The following TBC1D22A variants were observed in gnomAD, a reference collection of about 807,000 sequenced individuals.
TBC1D22A encodes the protein TBC1 domain family member 22A, also known as putative GTPase activator.
In TBC1D22A, 38 loss-of-function variants were observed where a neutral mutation model predicts 60.2. That is an observed-to-expected ratio of 0.63 (90% confidence interval 0.49 to 0.83). The LOEUF is 0.83. Among genes scored for constraint, TBC1D22A ranks in the 40% least tolerant of loss-of-function variants. TBC1D22A has a pLI of 0.00. For synonymous variants in TBC1D22A, 302 were observed against 281.7 expected (o/e 1.07, Z -0.72); for missense variants, 628 against 701.0 (o/e 0.90, Z 1.18).
At chr22:47,032,619 G>T (rs962588052) in intron 10 of TBC1D22A, among the ~76,000 whole-genome samples, 4 of 152,254 alleles carry the variant, frequency 2.6e-5, no homozygotes, top group Admixed American at 6.5e-5. Flanking sequence ...TGATTAGCCT[G>T]TGACTGTCCC....
At chr22:46,968,443 C>T (rs973183742) in intron 8 of TBC1D22A, among the ~76,000 whole-genome samples, 3 of 152,246 alleles carry the variant, frequency 2.0e-5, no homozygotes, top group African/African-American at 7.2e-5. Context: ...GCAGAAAGTC[C>T]TGCTGTGGAA....
chr22:47,028,423 AGCG>A lies in TBC1D22A; in HGVS notation c.1202-8647_1202-8645del, dbSNP rs1181510960. On this transcript the variant is annotated intron_variant, in intron 10 of 12. Coordinates refer to ENST00000337137, the MANE Select transcript of TBC1D22A (RefSeq NM_014346.5). The surrounding 1 kb of genome is among the most constrained non-coding windows in gnomAD (Gnocchi z 4.4). ...TGTCCCCCACGGCCCAGGTTCTGAG[AGCG>A]AGTGGTCGCATTCCTGTCCCTCGGT... is the stretch of plus-strand genomic sequence containing the variant. 6.4e-3 allele frequency among the ~76,000 whole-genome samples: 734 copies of A among 114,350 alleles called. 38 individuals are homozygous for A. The highest frequency in any genetic ancestry group is 0.025 in the African/African-American group (593 of 23,522). The allele number at this position is 114,350 out of a possible 152,430, so 75.0% of individuals were successfully genotyped here. A position where few individuals can be genotyped will look rare whatever the true frequency, so the allele number is the denominator to read the frequency against.
intron 8 of TBC1D22A, among the ~76,000 whole-genome samples, chr22:46,928,978 T>C (rs754655926): frequency 3.9e-4 from 60 of 152,122 alleles, no homozygotes; most frequent in Non-Finnish European, 2.8e-4. Context: ...TGACTGTTAA[T>C]GGGTACAGAG....
intron 8 of TBC1D22A, chr22:46,913,398 C>G: frequency 2.2e-6 from 3 of 1,366,470 alleles, no homozygotes; most frequent in Non-Finnish European, 2.9e-6. Context: ...ATGAGCCTTA[C>G]CCGAGGACAG....
chr22:47,173,847 G>A lies in TBC1D22A; in HGVS notation c.*221G>A. On this transcript the variant is annotated 3_prime_UTR_variant, in exon 13 of 13. Coordinates refer to ENST00000337137, the MANE Select transcript of TBC1D22A (RefSeq NM_014346.5). ...TGAGATACCAAAGAGAGCCAGGGGA[G>A]GGCCCCGGGTTCGGCGGCCAGAGGC... 2.8e-6 allele frequency: 2 copies of A among 703,226 alleles called. No individual in the cohort carries two copies. The highest frequency in any genetic ancestry group is 4.6e-4 in the Middle Eastern group (1 of 2,182). The allele number at this position is 703,226 out of a possible 1,614,324, so 43.6% of individuals were successfully genotyped here.
At chr22:46,938,590 T>TA (rs1239951610) in intron 8 of TBC1D22A, among the ~76,000 whole-genome samples, 1 of 98,652 alleles carries the variant, frequency 1.0e-5, no homozygotes, top group Non-Finnish European at 2.0e-5. Context: ...TATTTCTCTC[T>TA]TTTTTTTTTT....
chr22:46,966,424 G>A (rs1367221731), intron 8 of TBC1D22A, among the ~76,000 whole-genome samples: 1 of 152,192 alleles, frequency 6.6e-6, no homozygotes, highest in African/African-American at 2.4e-5. Context: ...GCACTAACAT[G>A]TTCTTTGTTT....
At chr22:46,915,201 G>A (rs1348106960) in intron 8 of TBC1D22A, 10 of 353,420 alleles carry the variant, frequency 2.8e-5, no homozygotes, top group South Asian at 8.6e-5. Context: ...TGGCAGCTGC[G>A]TGGATGAGAT....
intron 8 of TBC1D22A, among the ~76,000 whole-genome samples, chr22:46,925,372 T>C (rs961757490): frequency 1.3e-5 from 2 of 152,258 alleles, no homozygotes; most frequent in Non-Finnish European, 2.9e-5. Context: ...GTGTGTGGAA[T>C]AGCGAAGTGG....
At chr22:46,771,358 T>A (rs1233875534) in intron 1 of TBC1D22A, among the ~76,000 whole-genome samples, 1 of 152,100 alleles carries the variant, frequency 6.6e-6, no homozygotes. Context: ...TTTCTATAGA[T>A]TACTGGGGAA....
At chr22:46,864,895 G>A (rs2066979306) in intron 4 of TBC1D22A, among the ~76,000 whole-genome samples, 1 of 152,140 alleles carries the variant, frequency 6.6e-6, no homozygotes, top group Non-Finnish European at 1.5e-5. Flanking sequence ...AGTGAGTGAG[G>A]AACTCAGGCC....
rs1220248029 is a variant in TBC1D22A at position 47,077,250 on chromosome 22, C to T, written c.1330-34258C>T. 2.0e-5 allele frequency among the ~76,000 whole-genome samples: 3 copies of T among 152,220 alleles called. No individual in the cohort carries two copies. In the East Asian group the frequency reaches 5.8e-4, roughly 29 times the overall value. The stretch of plus-strand genomic sequence containing the variant: ...CCCAACTCTCTGTGTGCATTCACTA[C>T]TCTTGTACATACTATCTCCTCTGCC... On this transcript the variant is annotated intron_variant, in intron 11 of 12. Coordinates refer to ENST00000337137, the MANE Select transcript of TBC1D22A (RefSeq NM_014346.5).
intron 8 of TBC1D22A, among the ~76,000 whole-genome samples, chr22:46,930,421 A>C (rs1159298400): frequency 1.3e-5 from 2 of 152,068 alleles, no homozygotes; most frequent in African/African-American, 4.8e-5. Flanking sequence ...TCTGATACTC[A>C]ACATCCAAGA....
chr22:46,852,672 C>T (rs2087343564), intron 4 of TBC1D22A, among the ~76,000 whole-genome samples: 1 of 152,166 alleles, frequency 6.6e-6, no homozygotes, highest in South Asian at 2.1e-4. Flanking sequence ...CCATCAGTGC[C>T]CAGCCTTTTC....
At chr22:47,130,656 G>C (rs2066648255) in intron 12 of TBC1D22A, among the ~76,000 whole-genome samples, 1 of 152,198 alleles carries the variant, frequency 6.6e-6, no homozygotes, top group Non-Finnish European at 1.5e-5. Flanking sequence ...CCCTGAGTGT[G>C]GTGGTGACAT....
intron 1 of TBC1D22A, among the ~76,000 whole-genome samples, chr22:46,775,929 G>C (rs569559174): frequency 8.5e-5 from 13 of 152,340 alleles, no homozygotes; most frequent in African/African-American, 3.1e-4. Context: ...AATGGAACAA[G>C]CAGTTATGGG....
At chr22:47,148,636 C>T (rs58198388) in intron 12 of TBC1D22A, among the ~76,000 whole-genome samples, 2 of 142,714 alleles carry the variant, frequency 1.4e-5, no homozygotes, top group African/African-American at 2.9e-5. Flanking sequence ...GGGGTCCCTC[C>T]CTCCCCTGGG....
intron 3 of TBC1D22A, among the ~76,000 whole-genome samples, chr22:46,795,153 G>T (rs945313898): frequency 5.9e-5 from 9 of 152,194 alleles, no homozygotes; most frequent in Admixed American, 1.3e-4. Context: ...TGGCCTTTGC[G>T]GGAGGCTTGG....
Position 47,129,194 on chromosome 22 carries a change from T to C in TBC1D22A, c.1425+17591T>C, listed in dbSNP as rs140284266. ...AATAGTAATAAAAGTTAAGAGGCTG[T>C]TGGCCCGGGCATGGTGGCTCACACC... On this transcript the variant is annotated intron_variant, in intron 12 of 12. Coordinates refer to ENST00000337137, the MANE Select transcript of TBC1D22A (RefSeq NM_014346.5). Among the ~76,000 whole-genome samples, 648 of 152,318 alleles carry C rather than the reference T, an allele frequency of 4.3e-3. 4 individuals are homozygous for C. The highest frequency in any genetic ancestry group is 0.014 in the African/African-American group (598 of 41,572).
Sources: allele counts gnomAD v4.1 joint callset (sites outside exome capture counted in the v4.1 genomes callset), GRCh38; gene constraint gnomAD v4.1.1; non-coding constraint Gnocchi (gnomAD v3.1); transcripts MANE v1.5; gene names NCBI Gene and HGNC (gene_info 2026-07-23, HGNC 2026-07-21).